The following MYO16 variants were observed in gnomAD, a reference collection of about 807,000 sequenced individuals.
The protein encoded by MYO16 is unconventional myosin-XVI.
In MYO16, 94 loss-of-function variants were observed where a neutral mutation model predicts 205.3. The observed-to-expected ratio is 0.46, with a 90% CI of 0.39 to 0.54. The LOEUF is 0.54. Among genes scored for constraint, MYO16 ranks in the 20% least tolerant of loss-of-function variants. The probability of loss-of-function intolerance (pLI) is 0.00; values close to 1 mark genes in which losing one functional copy is unlikely to be tolerated. For synonymous variants in MYO16, 988 were observed against 954.0 expected, an observed-to-expected ratio of 1.04 and a Z score of -0.66; for missense variants, 2,315 against 2,387.5, an observed-to-expected ratio of 0.97 and a Z score of 0.63.
In MYO16 at chr13:109,055,561, C is replaced by G; in HGVS notation, c.3301C>G (p.Pro1101Ala). 1 of 1,612,148 alleles carries G rather than the reference C, an allele frequency of 6.2e-7. No homozygotes were observed. Among genetic ancestry groups the G allele is most frequent in the South Asian group, 1.1e-5 (1 of 91,062 alleles). ...EMVKIFRYGY[P>A]VRLSFSDFLS... ...GGTGAAGATCTTCCGATATGGATAC[C>G]CTGTTCGCCTTTCCTTCTCGGATTT... Residue 1101 changes from proline to alanine, a missense_variant, in exon 27 of 35, where the codon CCT (proline) becomes GCT (alanine). Pro to Ala is a conservative substitution (Grantham distance 27). Transcript: ENST00000457511. This position sits in a 1 kb window ranked among gnomAD's most constrained non-coding sequence, Gnocchi z 5.0.
chr13:109,140,554 G>A lies in MYO16; in HGVS notation c.4342G>A (p.Asp1448Asn), dbSNP rs747123443. ...GCACGCGGCCAGGCCCGATAGCCCG[G>A]ACCCCGGGGAGTCCGTGTACGAGGA... ...LGHAARPDSPDPGESVYEEMK... is the reference protein window; with the variant it reads ...LGHAARPDSPNPGESVYEEMK... Residue 1448 changes from aspartate to asparagine, a missense_variant, in exon 32 of 35, where the codon GAC becomes AAC. Physicochemically the swap from Asp to Asn is conservative, Grantham distance 23 (BLOSUM62 1). Around this residue, in one of 3 missense-constraint regions of MYO16, gnomAD observed 1,097 missense variants for 1,092.0 expected, o/e 1.00. Coordinates refer to ENST00000457511, the MANE Select transcript of MYO16 (RefSeq NM_001198950.3). The surrounding 1 kb of genome is among the most constrained non-coding windows in gnomAD (Gnocchi z 8.0). 6.5e-7 allele frequency: 1 copy of A among 1,542,288 alleles called. No individual in the cohort carries two copies. Among genetic ancestry groups the A allele is most frequent in the Non-Finnish European group, 8.7e-7 (1 of 1,151,476 alleles).
chr13:108,864,086 G>A (rs183916245), intron 11 of MYO16, among the ~76,000 whole-genome samples: 208 of 152,034 alleles, frequency 1.4e-3, no homozygotes, highest in African/African-American at 4.7e-3. Context: ...GTTTTGCTGG[G>A]GTAAATTGTA....
At chr13:109,166,562 G>A (rs967942748) in intron 33 of MYO16, 3 of 152,224 alleles carry the variant, frequency 2.0e-5, no homozygotes, top group African/African-American at 7.2e-5. Context: ...AAATGTTAGA[G>A]CATCTCCCAA....
chr13:108,759,164 T>TAA (rs34519128), intron 4 of MYO16, among the ~76,000 whole-genome samples: 4 of 148,312 alleles, frequency 2.7e-5, no homozygotes, highest in African/African-American at 9.9e-5. Context: ...TGTAGTCTGT[T>TAA]AAAAAAAAAA....
At chr13:108,851,690 C>T (rs903676104) in intron 10 of MYO16, among the ~76,000 whole-genome samples, 1 of 152,116 alleles carries the variant, frequency 6.6e-6, no homozygotes, top group African/African-American at 2.4e-5. Flanking sequence ...TAATCAAAGT[C>T]CAATCCATTC....
chr13:109,202,659 C>T (rs1880443918), intron 34 of MYO16, among the ~76,000 whole-genome samples: 1 of 152,120 alleles, frequency 6.6e-6, no homozygotes, highest in African/African-American at 2.4e-5. Context: ...CAATGTAATT[C>T]CCATCAAAAT....
At chr13:108,554,406 T>C in the MYO16 span, among the ~76,000 whole-genome samples, 1 of 152,204 alleles carries the variant, frequency 6.6e-6, no homozygotes, top group Non-Finnish European at 1.5e-5. Context: ...ACCTTTATGA[T>C]GTTGGCTCCA....
In MYO16 at chr13:108,818,383, CAA is replaced by C. The variant is rs5806756; in HGVS notation, c.868-1945_868-1944del. Among the ~76,000 whole-genome samples, 38 of 142,842 alleles carry C rather than the reference CAA, an allele frequency of 2.7e-4. 1 individual carries two copies. Among genetic ancestry groups the C allele is most frequent in the African/African-American group, 9.2e-4 (34 of 36,884 alleles). 93.7% of individuals were successfully genotyped at this position (142,842 alleles called of 152,430 possible). A position where few individuals can be genotyped will look rare whatever the true frequency, so the allele number is the denominator to read the frequency against. ...TGGGTGAGAAAGTGAAACAACGTCTCAAAAAAAAAATAATAATAATAAATAAA... is the reference window on the plus strand; with the variant it reads ...TGGGTGAGAAAGTGAAACAACGTCTCAAAAAAAATAATAATAATAAATAAA... On this transcript the variant is annotated intron_variant, in intron 7 of 34. Coordinates refer to ENST00000457511, the MANE Select transcript of MYO16 (RefSeq NM_001198950.3).
chr13:108,952,618 A>G (rs1883199866), intron 16 of MYO16, among the ~76,000 whole-genome samples: 2 of 152,206 alleles, frequency 1.3e-5, no homozygotes. Context: ...TTATTCCTCT[A>G]TAGCACCAAT....
chr13:108,695,309 C>A (rs1424502124), intron 2 of MYO16, among the ~76,000 whole-genome samples: 1 of 152,138 alleles, frequency 6.6e-6, no homozygotes, highest in Non-Finnish European at 1.5e-5. Context: ...TCTTGGAACC[C>A]TTGTTGAAAA....
intron 20 of MYO16, among the ~76,000 whole-genome samples, chr13:108,986,622 C>CAA (rs11350100): frequency 1.3e-3 from 90 of 69,426 alleles, no homozygotes; most frequent in Non-Finnish European, 1.7e-3. Context: ...AACTCCGTCT[C>CAA]AAAAAAAAAA....
At chr13:108,678,466 G>T (rs1882324097) in intron 2 of MYO16, among the ~76,000 whole-genome samples, 1 of 152,094 alleles carries the variant, frequency 6.6e-6, no homozygotes, top group Non-Finnish European at 1.5e-5. Flanking sequence ...GTCTCGGAAG[G>T]TGTCTGTACT....
intron 3 of MYO16, among the ~76,000 whole-genome samples, chr13:108,725,139 C>A (rs1372780362): frequency 1.3e-5 from 2 of 152,070 alleles, no homozygotes; most frequent in Non-Finnish European, 2.9e-5. Flanking sequence ...AAATTTGAGT[C>A]TTTTTAATAT....
intron 16 of MYO16, among the ~76,000 whole-genome samples, chr13:108,938,354 A>G (rs927801719): frequency 1.3e-5 from 2 of 152,314 alleles, no homozygotes; most frequent in Non-Finnish European, 2.9e-5. Flanking sequence ...GGGCTGATCC[A>G]TGGAATGCAC....
chr13:108,640,905 G>C (rs1397807051), intron 1 of MYO16, among the ~76,000 whole-genome samples: 1 of 152,192 alleles, frequency 6.6e-6, no homozygotes, highest in Non-Finnish European at 1.5e-5. Flanking sequence ...TGGTTTAAGA[G>C]TGACTGTTCT....
intron 16 of MYO16, among the ~76,000 whole-genome samples, chr13:108,924,982 A>G (rs1881924244): frequency 6.6e-6 from 1 of 152,174 alleles, no homozygotes; most frequent in Non-Finnish European, 1.5e-5. Flanking sequence ...AAAGGGCCGT[A>G]CTTGTCTTTC....
intron 13 of MYO16, among the ~76,000 whole-genome samples, chr13:108,886,098 C>T (rs1209276364): frequency 6.6e-6 from 1 of 152,092 alleles, no homozygotes; most frequent in Non-Finnish European, 1.5e-5. Flanking sequence ...CGTCATTCTC[C>T]TGCCTCAGCC....
chr13:109,145,099 G>A (rs1877267687), intron 32 of MYO16, among the ~76,000 whole-genome samples: 1 of 152,348 alleles, frequency 6.6e-6, no homozygotes, highest in South Asian at 2.1e-4. Flanking sequence ...ACTGCAGTCT[G>A]AGAAGAAATA....
At chr13:109,166,123 A>T (rs1459997104) in intron 33 of MYO16, among the ~76,000 whole-genome samples, 1 of 152,212 alleles carries the variant, frequency 6.6e-6, no homozygotes, top group Non-Finnish European at 1.5e-5. Context: ...TTAAAAGCAG[A>T]GACGGCAGCC....
Sources: gnomAD v4.1 joint callset for allele counts (sites outside exome capture counted in the v4.1 genomes callset) on GRCh38, gnomAD v4.1.1 for gene constraint, gnomAD v4.1.1 regional missense constraint, Gnocchi (gnomAD v3.1) non-coding constraint, MANE v1.5 for transcripts, NCBI Gene and HGNC (gene_info 2026-07-23, HGNC 2026-07-21) for gene names.